PRKG1: variants seen among roughly 807,000 people sequenced by gnomAD.
PRKG1 encodes the protein cGMP-dependent protein kinase 1.
PRKG1 carries 35 observed loss-of-function variants against 88.1 expected under a neutral mutation model. The ratio of observed to expected loss-of-function variants is 0.40; its 90% CI spans 0.30 to 0.53. The LOEUF is 0.53. PRKG1 is among the 20% of genes least tolerant of loss of function. PRKG1 has a pLI of 0.59. For missense variants in PRKG1, 540 were observed against 839.8 expected, an observed-to-expected ratio of 0.64 and a Z score of 4.41; for synonymous variants, 303 against 292.5, an observed-to-expected ratio of 1.04 and a Z score of -0.37.
intron 5 of PRKG1, among the ~76,000 whole-genome samples, chr10:52,029,142 G>A (rs922757770): frequency 6.6e-6 from 1 of 152,148 alleles, no homozygotes; most frequent in Non-Finnish European, 1.5e-5. Context: ...TGCATATTAT[G>A]TTCTGCTCTT....
intron 5 of PRKG1, among the ~76,000 whole-genome samples, chr10:52,037,516 G>A (rs1241654947): frequency 6.6e-6 from 1 of 152,182 alleles, no homozygotes; most frequent in Non-Finnish European, 1.5e-5. Flanking sequence ...GTCTAGGGCT[G>A]TAAAGTGTCT....
chr10:51,847,881 C>A (rs74690837), intron 4 of PRKG1, among the ~76,000 whole-genome samples: 8,675 of 117,734 alleles, frequency 0.074, 471 homozygotes, highest in Middle Eastern at 0.21. Context: ...AAAAAAAGAC[C>A]GAGAATCTGA....
chr10:51,648,400 T>C (rs2132309051), intron 3 of PRKG1, among the ~76,000 whole-genome samples: 1 of 152,326 alleles, frequency 6.6e-6, no homozygotes, highest in Non-Finnish European at 1.5e-5. Flanking sequence ...CACTGTATAT[T>C]GCCTGCACTG....
At chr10:52,054,278 A>T (rs980142033) in intron 5 of PRKG1, among the ~76,000 whole-genome samples, 1 of 152,192 alleles carries the variant, frequency 6.6e-6, no homozygotes, top group Non-Finnish European at 1.5e-5. Flanking sequence ...ATAATAATAA[A>T]AAAAGAAAAT....
intron 3 of PRKG1, among the ~76,000 whole-genome samples, chr10:51,528,236 C>T (rs758708558): frequency 1.5e-4 from 23 of 152,172 alleles, no homozygotes; most frequent in Non-Finnish European, 2.8e-4. Flanking sequence ...AGTACCTCCT[C>T]TCATAACAAA....
upstream of PRKG1, among the ~76,000 whole-genome samples, chr10:51,071,699 T>C (rs1028977146): frequency 6.6e-6 from 1 of 152,214 alleles, no homozygotes; most frequent in African/African-American, 2.4e-5. Context: ...TTTTCCAAAA[T>C]GCCTAAATAT....
chr10:52,059,653 G>A (rs948197566), intron 6 of PRKG1, among the ~76,000 whole-genome samples: 7 of 151,946 alleles, frequency 4.6e-5, no homozygotes, highest in African/African-American at 1.2e-4. Flanking sequence ...AATACATAGC[G>A]TGAAGGAGTT....
At chr10:51,088,201 CT>C (rs1348964366) in intron 1 of PRKG1, among the ~76,000 whole-genome samples, 2 of 152,128 alleles carry the variant, frequency 1.3e-5, no homozygotes, top group Admixed American at 1.3e-4. Context: ...GTAGCTTCGG[CT>C]TGTTCCTCTT....
chr10:51,977,433 G>A (rs887040025), intron 5 of PRKG1, among the ~76,000 whole-genome samples: 16 of 151,898 alleles, frequency 1.1e-4, no homozygotes, highest in Non-Finnish European at 1.5e-4. Flanking sequence ...ATGAACATAC[G>A]CATGCCTGTC....
At position 51,744,141 on chromosome 10, in the gene PRKG1, A is replaced by G. The variant is rs117294393; in HGVS notation, c.593-60444A>G. Among the ~76,000 whole-genome samples, 57 of 152,254 alleles carry G rather than the reference A, an allele frequency of 3.7e-4. 1 individual carries two copies. The East Asian group carries it at 0.011, about 29-fold the overall frequency. On this transcript the variant is annotated intron_variant, in intron 3 of 17. Transcript: ENST00000373980. ...ATACTTAAAATAGTAGTAGTAATAA[A>G]CTAACATTTATTGATCTTTTACTAT...
chr10:51,305,483 C>T (rs1841013327), intron 2 of PRKG1, among the ~76,000 whole-genome samples: 2 of 152,106 alleles, frequency 1.3e-5, no homozygotes. Context: ...GAAAGGGTGC[C>T]TCTCTCCAAA....
chr10:52,160,430 T>C (rs1376454205), intron 8 of PRKG1, among the ~76,000 whole-genome samples: 1 of 152,040 alleles, frequency 6.6e-6, no homozygotes, highest in East Asian at 1.9e-4. Context: ...CTTTATATTC[T>C]TGAATATGAT....
At chr10:51,833,717 C>G (rs775663514) in intron 4 of PRKG1, among the ~76,000 whole-genome samples, 14 of 152,218 alleles carry the variant, frequency 9.2e-5, no homozygotes, top group Non-Finnish European at 1.8e-4. Flanking sequence ...AAAATTAACT[C>G]TTTTAGGTAT....
chr10:51,636,504 G>A (rs112083589), intron 3 of PRKG1, among the ~76,000 whole-genome samples: 56 of 152,320 alleles, frequency 3.7e-4, no homozygotes, highest in African/African-American at 1.3e-3. Flanking sequence ...ACAGCTATGT[G>A]AGTGAGAACA....
At chr10:51,510,800 G>A (rs1436803576) in intron 3 of PRKG1, among the ~76,000 whole-genome samples, 1 of 148,394 alleles carries the variant, frequency 6.7e-6, no homozygotes, top group Non-Finnish European at 1.5e-5. Context: ...CTGGAGTGCA[G>A]TGGTGCAATC....
At chr10:51,501,250 T>A (rs1174442495) in intron 3 of PRKG1, among the ~76,000 whole-genome samples, 2 of 152,134 alleles carry the variant, frequency 1.3e-5, no homozygotes, top group African/African-American at 4.8e-5. Context: ...CTGGAATTAT[T>A]TCTAGTCTTT....
intron 2 of PRKG1, among the ~76,000 whole-genome samples, chr10:51,160,587 G>A (rs761916451): frequency 6.6e-6 from 1 of 152,196 alleles, no homozygotes; most frequent in African/African-American, 2.4e-5. Context: ...TCATATCCAG[G>A]ACAATTTATA....
chr10:51,393,193 C>T lies in PRKG1; in HGVS notation c.479-74530C>T, dbSNP rs183437118. Among the ~76,000 whole-genome samples the T allele has an allele frequency of 2.7e-5, 4 of 148,484 alleles. No homozygotes were observed. The South Asian group carries it at 6.5e-4, about 24-fold the overall frequency. ...CACCTCCCAGACGGGGTCGCGGGGCCGGGCAGAGGCGCTCCTCACATCCCA... is the reference window on the plus strand; with the variant it reads ...CACCTCCCAGACGGGGTCGCGGGGCTGGGCAGAGGCGCTCCTCACATCCCA... On this transcript the variant is annotated intron_variant, in intron 2 of 17. Transcript: ENST00000373980.
intron 7 of PRKG1, among the ~76,000 whole-genome samples, chr10:52,099,339 G>A (rs753110707): frequency 1.3e-5 from 2 of 152,124 alleles, no homozygotes; most frequent in African/African-American, 2.4e-5. Context: ...AGAGAGTTAC[G>A]ATGAGTCATT....
Sources: allele counts gnomAD v4.1 joint callset (sites outside exome capture counted in the v4.1 genomes callset), GRCh38; gene constraint gnomAD v4.1.1; transcripts MANE v1.5; gene names NCBI Gene and HGNC (gene_info 2026-07-23, HGNC 2026-07-21).